Variants in PCGF2 observed in about 807,000 individuals in gnomAD.
The protein encoded by PCGF2 is polycomb group ring finger 2.
Under a neutral mutation model 36.1 loss-of-function variants are expected in PCGF2, and 8 were observed. The observed-to-expected ratio is 0.22, with a 90% CI of 0.13 to 0.40. PCGF2 has a LOEUF of 0.40. PCGF2 is among the 10% of genes least tolerant of loss of function. The pLI is 1.00. For missense variants in PCGF2, 436 were observed against 475.9 expected (o/e 0.92, Z 0.78); for synonymous variants, 198 against 191.2 (o/e 1.04, Z -0.29).
At chr17:38,740,650 T>C (rs540907925) in intron 2 of PCGF2, among the ~76,000 whole-genome samples, 1 of 152,170 alleles carries the variant, frequency 6.6e-6, no homozygotes, top group South Asian at 2.1e-4. Flanking sequence ...TCCCAGCTGC[T>C]TGGGAGGCTG....
chr17:38,739,757 C>G lies in PCGF2; in HGVS notation c.113-75G>C, dbSNP rs1907051155. Reference sequence around the variant, plus strand: ...AGGACCAGCCTCCCCGCCCTCTGCTCAGACTCAGATATCCCTCCTCCTCCA... The same window carrying G: ...AGGACCAGCCTCCCCGCCCTCTGCTGAGACTCAGATATCCCTCCTCCTCCA... On this transcript the variant is annotated intron_variant, in intron 3 of 10. Transcript: ENST00000620225. The surrounding 1 kb of genome is among the most constrained non-coding windows in gnomAD (Gnocchi z 4.0). 9.3e-7 allele frequency: 1 copy of G among 1,074,696 alleles called. No individual in the cohort carries two copies. The allele number at this position is 1,074,696 out of a possible 1,614,324, so 66.6% of individuals were successfully genotyped here.
chr17:38,739,717 C>A lies in PCGF2; in HGVS notation c.113-35G>T, dbSNP rs747115715. 4.0e-5 allele frequency: 59 copies of A among 1,481,240 alleles called. No homozygotes were observed. Among genetic ancestry groups the A allele is most frequent in the Admixed American group, 1.0e-4 (6 of 59,798 alleles). 91.8% of individuals were successfully genotyped at this position (1,481,240 alleles called of 1,614,324 possible). On this transcript the variant is annotated intron_variant, in intron 3 of 10. Transcript: ENST00000620225. This position sits in a 1 kb window ranked among gnomAD's most constrained non-coding sequence, Gnocchi z 4.0. Reference sequence around the variant, plus strand: ...GTGGAGAGAGAGAGGAGAGTCAGAGCCAACTTCCAACTCCAGGACCAGCCT... The same window carrying A: ...GTGGAGAGAGAGAGGAGAGTCAGAGACAACTTCCAACTCCAGGACCAGCCT...
chr17:38,735,128 A>C lies in PCGF2; in HGVS notation c.*95T>G. 11 of 897,214 alleles carry C rather than the reference A, an allele frequency of 1.2e-5. No homozygotes were observed. Among genetic ancestry groups the C allele is most frequent in the Non-Finnish European group, 1.5e-5 (10 of 665,900 alleles). The allele number at this position is 897,214 out of a possible 1,614,324, so 55.6% of individuals were successfully genotyped here. On this transcript the variant is annotated 3_prime_UTR_variant, in exon 11 of 11. Transcript: ENST00000620225. Reference sequence around the variant, plus strand: ...CCCGCCCCCCACCCCCAAGGTGGGAAGAGCTGGGGAAAGTAGAAGAGGTGG... The same window carrying C: ...CCCGCCCCCCACCCCCAAGGTGGGACGAGCTGGGGAAAGTAGAAGAGGTGG...
chr17:38,747,443 T>C (rs1907608170), intron 2 of PCGF2, among the ~76,000 whole-genome samples: 2 of 152,324 alleles, frequency 1.3e-5, no homozygotes, highest in South Asian at 4.1e-4. Context: ...CAGGAGCCCA[T>C]GTCCAAGGAT....
rs1005188316 is a variant in PCGF2 at position 38,739,784 on chromosome 17, C to T, written c.113-102G>A. On this transcript the variant is annotated intron_variant, in intron 3 of 10. Transcript: ENST00000620225. This position sits in a 1 kb window ranked among gnomAD's most constrained non-coding sequence, Gnocchi z 4.0. ...GACTCAGATATCCCTCCTCCTCCAC[C>T]CTGTCCCTGCTCCGAGGCCCAATGT... 6 of 844,834 alleles carry T rather than the reference C, an allele frequency of 7.1e-6. No homozygotes were observed. Among genetic ancestry groups the T allele is most frequent in the Non-Finnish European group, 1.0e-5 (5 of 488,926 alleles). The allele number at this position is 844,834 out of a possible 1,614,324, so 52.3% of individuals were successfully genotyped here. A position where few individuals can be genotyped will look rare whatever the true frequency, so the allele number is the denominator to read the frequency against.
rs1394294060 is a variant in PCGF2 at position 38,747,918 on chromosome 17, G to A, written c.-80C>T. On this transcript the variant is annotated 5_prime_UTR_variant, in exon 2 of 11. Transcript: ENST00000620225. ...TGCCCGGGGGCTGCTGCACAAAGAG[G>A]TGGTGGTCGAGGGAGACGCCAAATC... 1.3e-5 allele frequency: 2 copies of A among 152,862 alleles called. No homozygotes were observed. Among genetic ancestry groups the A allele is most frequent in the Admixed American group, 6.5e-5 (1 of 15,288 alleles). 9.5% of individuals were successfully genotyped at this position (152,862 alleles called of 1,614,324 possible).
Position 38,739,177 on chromosome 17 carries a change from G to T in PCGF2, c.265+21C>A, listed in dbSNP as rs144094243. The stretch of plus-strand genomic sequence containing the variant: ...TGGGTTGGGAAATGGGGTCAGTGGA[G>T]GAGGAATGGAGTGCAGATACCTTTA... On this transcript the variant is annotated intron_variant, in intron 5 of 10. Coordinates refer to ENST00000620225, the MANE Select transcript of PCGF2 (RefSeq NM_007144.3). This position sits in a 1 kb window ranked among gnomAD's most constrained non-coding sequence, Gnocchi z 4.0. 5.0e-5 allele frequency: 80 copies of T among 1,613,934 alleles called. 1 individual carries two copies. In the East Asian group the frequency reaches 1.7e-3, roughly 35 times the overall value.
Position 38,736,122 on chromosome 17 carries a change from T to C in PCGF2, c.625A>G (p.Met209Val), listed in dbSNP as rs1292047416. The C allele has an allele frequency of 2.5e-6, 4 of 1,586,910 alleles. No individual in the cohort carries two copies. Among genetic ancestry groups the C allele is most frequent in the Non-Finnish European group, 3.4e-6 (4 of 1,166,398 alleles). Residue 209 changes from methionine (M) to valine (V), a missense_variant, in exon 10 of 11, where the codon ATG becomes GTG. Met to Val is a conservative substitution (Grantham distance 21). Around this residue, in one of 3 missense-constraint regions of PCGF2, gnomAD observed 227 missense variants for 212.9 expected, o/e 1.07. Coordinates refer to ENST00000620225, the MANE Select transcript of PCGF2 (RefSeq NM_007144.3). ...DEPLKEYYTLMDIAYIYPWRR... is the reference protein window; with the variant it reads ...DEPLKEYYTLVDIAYIYPWRR... ...CAGGGGTAGATGTAGGCGATGTCCATGAGGGTGTAGTATTCCTTCAGTGGC... is the reference window on the plus strand; with the variant it reads ...CAGGGGTAGATGTAGGCGATGTCCACGAGGGTGTAGTATTCCTTCAGTGGC...
At chr17:38,737,321 C>T (rs1014214043) in intron 9 of PCGF2, among the ~76,000 whole-genome samples, 3 of 149,942 alleles carry the variant, frequency 2.0e-5, no homozygotes, top group Non-Finnish European at 3.0e-5. Flanking sequence ...AAATTAGCCA[C>T]GTGTGGTGGC....
At chr17:38,736,248 C>T (rs889194011) in intron 9 of PCGF2, 78 bp from the exon 10 acceptor site, 18 of 839,192 alleles carry the variant, frequency 2.1e-5, no homozygotes, top group Middle Eastern at 4.5e-4. Flanking sequence ...GACTGGGAGG[C>T]GGGGCAATGG....
intron 6 of PCGF2, 89 bp from the exon 7 acceptor site, chr17:38,738,950 C>A: frequency 6.5e-7 from 1 of 1,534,260 alleles, no homozygotes; most frequent in African/African-American, 1.4e-5. Context: ...GCCAGGTGAG[C>A]CCAGCCACCT....
At position 38,735,087 on chromosome 17, in the gene PCGF2, ATATT is replaced by A. The variant is rs1226260132; in HGVS notation, c.*132_*135del. On this transcript the variant is annotated 3_prime_UTR_variant, in exon 11 of 11. Coordinates refer to ENST00000620225, the MANE Select transcript of PCGF2 (RefSeq NM_007144.3). ...GTTTTTCCTATGTACATATATATAT[ATATT>A]TATTTATAAAACCCGCCCCCCACCC... The A allele has an allele frequency of 1.9e-6, 1 of 516,628 alleles. No homozygotes were observed. Among genetic ancestry groups the A allele is most frequent in the Admixed American group, 3.8e-5 (1 of 26,124 alleles). The allele number at this position is 516,628 out of a possible 1,614,324, so 32.0% of individuals were successfully genotyped here.
chr17:38,738,509 C>T, intron 8 of PCGF2, 32 bp downstream of exon 8: 2 of 1,612,336 alleles, frequency 1.2e-6, no homozygotes, highest in South Asian at 1.1e-5. Context: ...TCCCAGCCCA[C>T]ATTCCAGTCC....
At chr17:38,740,563 T>G in intron 2 of PCGF2, 121 bp from the exon 3 acceptor site, 1 of 640,074 alleles carries the variant, frequency 1.6e-6, no homozygotes, top group South Asian at 2.0e-5. Flanking sequence ...ATTGAGACCA[T>G]CTTGACTAAC....
intron 9 of PCGF2, among the ~76,000 whole-genome samples, chr17:38,737,125 G>T (rs1418122034): frequency 6.6e-6 from 1 of 150,868 alleles, no homozygotes; most frequent in African/African-American, 2.4e-5. Context: ...ACAAGAGCAA[G>T]ACTCTGTCTC....
chr17:38,739,075 C>T lies in PCGF2; in HGVS notation c.309G>A (p.Leu103=), dbSNP rs1567940883. ...AGACGCGAGCACACTCACCCTCCGTCAGGGGGTACGCTGCATAGAAATCCC... is the reference window on the plus strand; with the variant it reads ...AGACGCGAGCACACTCACCCTCCGTTAGGGGGTACGCTGCATAGAAATCCC... ...RRRDFYAAYP[L]TEVPNGSNED... Residue 103 remains leucine (L), a synonymous_variant, in exon 6 of 11, where the codon CTG becomes CTA. Coordinates refer to ENST00000620225, the MANE Select transcript of PCGF2 (RefSeq NM_007144.3). The surrounding 1 kb of genome is among the most constrained non-coding windows in gnomAD (Gnocchi z 4.0). The T allele has an allele frequency of 6.8e-6, 11 of 1,613,070 alleles. No individual in the cohort carries two copies. Among genetic ancestry groups the T allele is most frequent in the African/African-American group, 1.3e-5 (1 of 74,876 alleles).
chr17:38,735,614 G>T lies in PCGF2; in HGVS notation c.658-14C>A. On this transcript the variant is annotated splice_polypyrimidine_tract_variant and intron_variant, in intron 10 of 10. Transcript: ENST00000620225. ...GAGAGGCCCGTTCTGCGGGGAGAGT[G>T]GGGAGGAGAGACACAGGGAAGGGGA... is the stretch of plus-strand genomic sequence containing the variant. 6.5e-7 allele frequency: 1 copy of T among 1,541,050 alleles called. No individual in the cohort carries two copies.
intron 10 of PCGF2, 102 bp from the exon 11 acceptor site, chr17:38,735,702 G>A (rs758144775): frequency 2.1e-4 from 295 of 1,399,526 alleles, no homozygotes; most frequent in Non-Finnish European, 2.6e-4. Flanking sequence ...GTCCAAACTC[G>A]AAAAAAGGGA....
At chr17:38,749,469 T>C (rs1907780183), upstream of PCGF2, 1 of 362,442 alleles carries the variant, frequency 2.8e-6, no homozygotes, top group Non-Finnish European at 5.8e-6. This position sits in a 1 kb window ranked among gnomAD's most constrained non-coding sequence, Gnocchi z 6.5. Context: ...GGGAAGCGAA[T>C]CGATACTGCG....
Sources: allele counts gnomAD v4.1 joint callset (sites outside exome capture counted in the v4.1 genomes callset), GRCh38; gene constraint gnomAD v4.1.1; regional missense constraint gnomAD v4.1.1; non-coding constraint Gnocchi (gnomAD v3.1); transcripts MANE v1.5; gene names NCBI Gene and HGNC (gene_info 2026-07-23, HGNC 2026-07-21).